The following PSME3IP1 variants were observed in gnomAD, a reference collection of about 807,000 sequenced individuals.
PSME3IP1 encodes the protein PSME3-interacting protein.
PSME3IP1 carries 13 observed loss-of-function variants against 34.1 expected under a neutral mutation model. That is an observed-to-expected ratio of 0.38 (90% CI 0.25 to 0.61). PSME3IP1 has a LOEUF of 0.61. Among genes scored for constraint, PSME3IP1 ranks in the 20% least tolerant of loss-of-function variants. PSME3IP1 has a pLI of 0.60. For synonymous variants in PSME3IP1, 93 were observed against 114.3 expected, an observed-to-expected ratio of 0.81 and a Z score of 1.19; for missense variants, 237 against 301.4, an observed-to-expected ratio of 0.79 and a Z score of 1.58.
At chr16:57,184,506 AAACATAATATTTAAG>A (rs1329788622) in intron 1 of PSME3IP1, among the ~76,000 whole-genome samples, 21 of 152,378 alleles carry the variant, frequency 1.4e-4, no homozygotes, top group African/African-American at 4.8e-4. Flanking sequence ...GTAAAGAGTG[AAACATAATATTTAAG>A]AATGAAGACA....
At chr16:57,165,693 A>G (rs1043953640) in intron 5 of PSME3IP1, among the ~76,000 whole-genome samples, 15 of 152,212 alleles carry the variant, frequency 9.9e-5, no homozygotes, top group African/African-American at 3.4e-4. Context: ...GGTGATTCCA[A>G]TAAACTCAGG....
chr16:57,155,245 T>A (rs1258874318), intron 6 of PSME3IP1, among the ~76,000 whole-genome samples: 1 of 152,218 alleles, frequency 6.6e-6, no homozygotes, highest in African/African-American at 2.4e-5. Context: ...CCATGCAGAA[T>A]GTCATCTAGG....
intron 4 of PSME3IP1, among the ~76,000 whole-genome samples, chr16:57,168,612 A>C (rs2072180595): frequency 6.6e-6 from 1 of 151,832 alleles, no homozygotes; most frequent in Non-Finnish European, 1.5e-5. Flanking sequence ...GACCAGCCTG[A>C]CCAGCATGGA....
rs564534075 is a variant in PSME3IP1 at position 57,161,332 on chromosome 16, AAG to A, written c.547+2667_547+2668del. On this transcript the variant is annotated intron_variant, in intron 6 of 6. Transcript: ENST00000309137. ...ATAGACATATATAGCTCAGTGGAAGAAGAGAGTCCAGAAATAAACCCACACAT... is the reference window on the plus strand; with the variant it reads ...ATAGACATATATAGCTCAGTGGAAGAAGAGTCCAGAAATAAACCCACACAT... 1.3e-4 allele frequency among the ~76,000 whole-genome samples: 20 copies of A among 152,334 alleles called. No individual in the cohort carries two copies. The East Asian group carries it at 3.5e-3, about 26-fold the overall frequency.
In PSME3IP1 at chr16:57,163,993, C is replaced by T. The variant is rs2071566921; in HGVS notation, c.547+8G>A. 2 of 1,613,724 alleles carry T rather than the reference C, an allele frequency of 1.2e-6. No homozygotes were observed. The highest frequency in any genetic ancestry group is 1.7e-6 in the Non-Finnish European group (2 of 1,179,650). ...GAGTACAAGGAAGTAATGAAGGCTG[C>T]CACCCACCTTGATTCTTGTCATCTG... On this transcript the variant is annotated splice_region_variant and intron_variant, in intron 6 of 6. Transcript: ENST00000309137.
chr16:57,154,618 G>C lies in PSME3IP1; in HGVS notation c.548-111C>G. 1 of 880,750 alleles carries C rather than the reference G, an allele frequency of 1.1e-6. No individual in the cohort carries two copies. Among genetic ancestry groups the C allele is most frequent in the Non-Finnish European group, 1.7e-6 (1 of 585,098 alleles). The allele number at this position is 880,750 out of a possible 1,614,324, so 54.6% of individuals were successfully genotyped here. ...GGGATTTTCCCACAGAGGAGCCTTAGAACAATGCTATGCAGCCAATACTAT... is the reference window on the plus strand; with the variant it reads ...GGGATTTTCCCACAGAGGAGCCTTACAACAATGCTATGCAGCCAATACTAT... On this transcript the variant is annotated intron_variant, in intron 6 of 6. Transcript: ENST00000309137. This position sits in a 1 kb window ranked among gnomAD's most constrained non-coding sequence, Gnocchi z 4.0.
chr16:57,185,325 T>G (rs1321810658), intron 1 of PSME3IP1, among the ~76,000 whole-genome samples: 2 of 152,246 alleles, frequency 1.3e-5, no homozygotes. Flanking sequence ...TCTTAAGTTT[T>G]CTGCAAAACG....
intron 1 of PSME3IP1, chr16:57,174,610 C>T (rs1384174796): frequency 1.0e-6 from 1 of 985,286 alleles, no homozygotes; most frequent in African/African-American, 1.7e-5. Flanking sequence ...ATTACACTAT[C>T]TTGATTCACC....
intron 4 of PSME3IP1, 100 bp downstream of exon 4, chr16:57,172,151 C>T: frequency 7.9e-7 from 1 of 1,269,970 alleles, no homozygotes; most frequent in South Asian, 1.3e-5. Flanking sequence ...GAGAGATCAC[C>T]AGGTAGAAAA....
In PSME3IP1 at chr16:57,184,243, T is replaced by TAAA. The variant is rs34543179; in HGVS notation, c.-16+1575_-16+1577dup. Among the ~76,000 whole-genome samples the TAAA allele has an allele frequency of 6.3e-3, 886 of 141,592 alleles. 12 individuals are homozygous for TAAA. Among genetic ancestry groups the TAAA allele is most frequent in the African/African-American group, 0.022 (859 of 39,046 alleles). 92.9% of individuals were successfully genotyped at this position (141,592 alleles called of 152,430 possible). ...GAGTGAAAAGGTTTAGTTAAATCGA[T>TAAA]AAAAAAAAAAAGAGAAACAATGGGA... On this transcript the variant is annotated intron_variant, in intron 1 of 6. Coordinates refer to ENST00000309137, the MANE Select transcript of PSME3IP1 (RefSeq NM_024946.4).
intron 6 of PSME3IP1, among the ~76,000 whole-genome samples, chr16:57,161,128 G>C (rs769374928): frequency 2.0e-5 from 3 of 152,184 alleles, no homozygotes; most frequent in Non-Finnish European, 2.9e-5. Flanking sequence ...TATCAAAATC[G>C]TAACTGCCTT....
intron 4 of PSME3IP1, among the ~76,000 whole-genome samples, chr16:57,168,085 C>T (rs1415190675): frequency 6.6e-6 from 1 of 152,180 alleles, no homozygotes; most frequent in Admixed American, 6.5e-5. Context: ...CTTCTCCCTC[C>T]GTTTTATGCT....
chr16:57,165,153 TTATA>T (rs142649591), intron 5 of PSME3IP1, among the ~76,000 whole-genome samples: 2 of 147,606 alleles, frequency 1.4e-5, no homozygotes, highest in Non-Finnish European at 1.5e-5. Context: ...TAAGACACTG[TTATA>T]TATATATATA....
At chr16:57,174,869 T>G (rs935976920) in intron 1 of PSME3IP1, 22 of 177,390 alleles carry the variant, frequency 1.2e-4, no homozygotes, top group African/African-American at 4.3e-4. Context: ...ACTTCAATCC[T>G]TCTCTTTTCT....
chr16:57,173,343 C>G (rs1304466707), intron 2 of PSME3IP1, among the ~76,000 whole-genome samples: 3 of 152,022 alleles, frequency 2.0e-5, no homozygotes, highest in Non-Finnish European at 4.4e-5. Flanking sequence ...AAAGTATGGA[C>G]AATTGGCCAG....
chr16:57,167,983 T>C (rs1190808321), intron 4 of PSME3IP1, among the ~76,000 whole-genome samples: 1 of 152,222 alleles, frequency 6.6e-6, no homozygotes, highest in Non-Finnish European at 1.5e-5. Context: ...TCTCAACTTT[T>C]TACTCTTTTG....
intron 1 of PSME3IP1, chr16:57,175,704 A>T (rs1422222497): frequency 1.3e-5 from 2 of 152,170 alleles, no homozygotes; most frequent in African/African-American, 4.8e-5. Context: ...TCCAGGCCTG[A>T]TATCAAAAAT....
chr16:57,167,257 A>C, intron 4 of PSME3IP1, 31 bp from the exon 5 acceptor site: 1 of 1,613,884 alleles, frequency 6.2e-7, no homozygotes, highest in Non-Finnish European at 8.5e-7. Flanking sequence ...CAAACTAAGC[A>C]AAAGGGAAGA....
chr16:57,157,313 C>CAAAAAA (rs751911757), intron 6 of PSME3IP1, among the ~76,000 whole-genome samples: 1 of 76,814 alleles, frequency 1.3e-5, no homozygotes, highest in Admixed American at 1.4e-4. Context: ...AACCTATCTC[C>CAAAAAA]AAAAAAAAAA....
Sources: allele counts gnomAD v4.1 joint callset (sites outside exome capture counted in the v4.1 genomes callset), GRCh38; gene constraint gnomAD v4.1.1; non-coding constraint Gnocchi (gnomAD v3.1); transcripts MANE v1.5; gene names NCBI Gene and HGNC (gene_info 2026-07-23, HGNC 2026-07-21).